The following CNKSR2 variants were observed in gnomAD, a reference collection of about 807,000 sequenced individuals.
The protein encoded by CNKSR2 is connector enhancer of kinase suppressor of Ras 2, also known as CNK homolog protein 2.
In CNKSR2, 14 loss-of-function variants were observed where a neutral mutation model predicts 84.4. The observed-to-expected ratio is 0.17, with a 90% CI of 0.11 to 0.26. The LOEUF (loss-of-function observed/expected upper bound fraction) is 0.26. Ranked by LOEUF, CNKSR2 falls within the 10% of genes least tolerant of loss-of-function variation. The pLI is 1.00. For synonymous variants in CNKSR2, 275 were observed against 277.9 expected, an observed-to-expected ratio of 0.99 and a Z score of 0.10; for missense variants, 485 against 771.2, an observed-to-expected ratio of 0.63 and a Z score of 4.40.
At position 21,576,144 on chromosome X, in the gene CNKSR2, G is replaced by C. The variant is rs1002093198; in HGVS notation, c.1608+12692G>C. 2.7e-5 allele frequency among the ~76,000 whole-genome samples: 3 copies of C among 112,073 alleles called. No individual in the cohort carries two copies. The East Asian group carries it at 8.4e-4, about 31-fold the overall frequency. ...ACACATTATTTTCAAATGTGCATGA[G>C]ATACTCATCAGAATAGAAGTTATCT... On this transcript the variant is annotated intron_variant, in intron 13 of 21. Coordinates refer to ENST00000379510, the MANE Select transcript of CNKSR2 (RefSeq NM_014927.5).
chrX:21,461,478 T>G (rs6633413), intron 4 of CNKSR2, among the ~76,000 whole-genome samples: 2,031 of 111,899 alleles, frequency 0.018, 29 homozygotes, highest in African/African-American at 0.062. Flanking sequence ...TCTCCCATGT[T>G]GTGGCTTGTC....
chrX:21,643,344 C>A (rs992815791), intron 20 of CNKSR2: 5 of 111,331 alleles, frequency 4.5e-5, no homozygotes, highest in Non-Finnish European at 9.5e-5. Context: ...ACTGTAGTGC[C>A]CTGAAAATTC....
chrX:21,596,851 GT>G (rs2092453487), intron 17 of CNKSR2, among the ~76,000 whole-genome samples: 1 of 110,200 alleles, frequency 9.1e-6, no homozygotes, highest in African/African-American at 3.3e-5. Context: ...AATTTAAATA[GT>G]TTTTTCTCCT....
intron 5 of CNKSR2, among the ~76,000 whole-genome samples, chrX:21,484,077 G>T (rs1454584621): frequency 8.9e-6 from 1 of 111,981 alleles, no homozygotes; most frequent in Non-Finnish European, 1.9e-5. Context: ...AAATCACGAG[G>T]TCAGGAGTTC....
chrX:21,422,896 A>T (rs1291237031), intron 1 of CNKSR2, among the ~76,000 whole-genome samples: 1 of 110,785 alleles, frequency 9.0e-6, no homozygotes, highest in Admixed American at 9.5e-5. Context: ...CTTCTCCGAG[A>T]AACTGGCTTG....
At chrX:21,460,806 T>C (rs889326051) in intron 4 of CNKSR2, among the ~76,000 whole-genome samples, 2 of 111,858 alleles carry the variant, frequency 1.8e-5, no homozygotes, top group African/African-American at 6.5e-5. Context: ...TGCTTGTCTT[T>C]AGGTGCCTGG....
At chrX:21,428,573 A>C (rs770860880) in intron 2 of CNKSR2, 8 of 111,722 alleles carry the variant, frequency 7.2e-5, no homozygotes, top group Non-Finnish European at 1.5e-4. Context: ...ATTAAGCTAT[A>C]ATTTAGTATG....
chrX:21,548,304 A>G (rs1425508532), intron 11 of CNKSR2, among the ~76,000 whole-genome samples: 2 of 112,158 alleles, frequency 1.8e-5, no homozygotes, highest in Non-Finnish European at 3.8e-5. Context: ...TTACACAATT[A>G]AACTAGAAAA....
intron 20 of CNKSR2, chrX:21,641,786 A>G (rs2092692440): frequency 2.0e-6 from 2 of 1,005,114 alleles, no homozygotes; most frequent in Non-Finnish European, 2.5e-6. Context: ...GGGCCTCCCA[A>G]AGGGATATAA....
intron 11 of CNKSR2, among the ~76,000 whole-genome samples, chrX:21,535,433 G>A (rs761729538): frequency 9.0e-6 from 1 of 111,172 alleles, no homozygotes; most frequent in South Asian, 3.7e-4. Context: ...TATTTTGACA[G>A]GGATTCCATT....
intron 4 of CNKSR2, among the ~76,000 whole-genome samples, chrX:21,451,171 T>A (rs2090922841): frequency 8.9e-6 from 1 of 112,018 alleles, no homozygotes; most frequent in Admixed American, 9.5e-5. Context: ...ATTCAGATTA[T>A]AGAGTGTACA....
At chrX:21,406,414 T>C (rs145272404) in intron 1 of CNKSR2, among the ~76,000 whole-genome samples, 5 of 111,532 alleles carry the variant, frequency 4.5e-5, no homozygotes, top group Admixed American at 3.8e-4. Flanking sequence ...GTAACTTGCT[T>C]TCAGATCTTG....
chrX:21,638,406 T>A (rs148570932), intron 20 of CNKSR2, among the ~76,000 whole-genome samples: 29 of 112,249 alleles, frequency 2.6e-4, no homozygotes, highest in African/African-American at 7.7e-4. Flanking sequence ...AGAAACATCC[T>A]CCTCAAGATT....
intron 11 of CNKSR2, among the ~76,000 whole-genome samples, chrX:21,536,405 T>C (rs2091928275): frequency 9.0e-6 from 1 of 111,239 alleles, no homozygotes. Flanking sequence ...CCTCCTCTAC[T>C]ATTTTTTCGG....
At chrX:21,571,682 C>T (rs1442498938) in intron 13 of CNKSR2, among the ~76,000 whole-genome samples, 2 of 111,943 alleles carry the variant, frequency 1.8e-5, no homozygotes, top group Non-Finnish European at 1.9e-5. Flanking sequence ...GTGACTAAAG[C>T]CATATCTGCT....
At chrX:21,421,138 G>T (rs1034781363) in intron 1 of CNKSR2, among the ~76,000 whole-genome samples, 20 of 110,856 alleles carry the variant, frequency 1.8e-4, no homozygotes, top group Non-Finnish European at 1.5e-4. Flanking sequence ...GCTGAGTTTG[G>T]TCTTGTTTTC....
chrX:21,448,409 G>T (rs1265455949), intron 4 of CNKSR2, among the ~76,000 whole-genome samples: 2 of 111,676 alleles, frequency 1.8e-5, no homozygotes, highest in African/African-American at 3.3e-5. Flanking sequence ...GCTAGAAAGT[G>T]GTGTGGTGGT....
chrX:21,556,366 C>T (rs1012306244), intron 11 of CNKSR2, among the ~76,000 whole-genome samples: 2 of 111,006 alleles, frequency 1.8e-5, no homozygotes, highest in Non-Finnish European at 3.8e-5. Flanking sequence ...TAAATACTTA[C>T]GTGACTATAA....
chrX:21,380,443 C>CTTT (rs1213793885), intron 1 of CNKSR2, among the ~76,000 whole-genome samples: 12 of 70,307 alleles, frequency 1.7e-4, no homozygotes, highest in Non-Finnish European at 2.7e-4. Flanking sequence ...TCAATTTGTT[C>CTTT]TTTTTTTTTT....
Sources: gnomAD v4.1 joint callset for allele counts (sites outside exome capture counted in the v4.1 genomes callset) on GRCh38, gnomAD v4.1.1 for gene constraint, MANE v1.5 for transcripts, NCBI Gene and HGNC (gene_info 2026-07-23, HGNC 2026-07-21) for gene names.